Variants in BRI3 observed in about 807,000 individuals in gnomAD.
The protein encoded by BRI3 is membrane protein BRI3.
In BRI3, 6 loss-of-function variants were observed where a neutral mutation model predicts 12.8. The observed-to-expected ratio is 0.47, with a 90% CI of 0.26 to 0.93. The LOEUF is 0.93. Ranked by LOEUF, BRI3 falls within the 40% of genes least tolerant of loss-of-function variation. The pLI is 0.15. For missense variants in BRI3, 134 were observed against 171.1 expected, an observed-to-expected ratio of 0.78 and a Z score of 1.21; for synonymous variants, 91 against 76.1, an observed-to-expected ratio of 1.20 and a Z score of -1.02.
intron 2 of BRI3, among the ~76,000 whole-genome samples, chr7:98,284,060 CTG>C (rs1194486572): frequency 2.6e-5 from 4 of 152,244 alleles, no homozygotes; most frequent in African/African-American, 4.8e-5. Flanking sequence ...CGGGGTCAGA[CTG>C]TGCTCTGCTG....
At chr7:98,295,073 C>T (rs1800129664), downstream of BRI3, among the ~76,000 whole-genome samples, 1 of 152,240 alleles carries the variant, frequency 6.6e-6, no homozygotes, top group Admixed American at 6.5e-5. Context: ...CAGGAAGCGT[C>T]CCAGCACCCC....
chr7:98,292,380 T>A, downstream of BRI3: 1 of 457,988 alleles, frequency 2.2e-6, no homozygotes, highest in South Asian at 2.8e-5. Context: ...GTCTAATTTT[T>A]GTATTTTTAG....
upstream of BRI3, among the ~76,000 whole-genome samples, chr7:98,304,968 T>C (rs1262640512): frequency 6.6e-6 from 1 of 150,530 alleles, no homozygotes; most frequent in East Asian, 1.9e-4. Flanking sequence ...CTGGTTCAAG[T>C]GATTCTCCTG....
At chr7:98,321,518 C>T in the BRI3 span, among the ~76,000 whole-genome samples, 1 of 152,116 alleles carries the variant, frequency 6.6e-6, no homozygotes, top group Non-Finnish European at 1.5e-5. Flanking sequence ...GCCTCACCGC[C>T]GAGGGCAGCA....
upstream of BRI3, among the ~76,000 whole-genome samples, chr7:98,301,681 ACG>A (rs1800432991): frequency 6.6e-6 from 1 of 151,200 alleles, no homozygotes; most frequent in Admixed American, 6.6e-5. Flanking sequence ...GTGTGTGCAC[ACG>A]CGCGTCTGTG....
chr7:98,321,834 C>T, the BRI3 span, among the ~76,000 whole-genome samples: 2 of 152,150 alleles, frequency 1.3e-5, no homozygotes, highest in South Asian at 2.1e-4. Flanking sequence ...TGGTGGCTCA[C>T]GCCTGTCATC....
Position 98,291,425 on chromosome 7 carries a change from G to C in BRI3, c.*182G>C. 7.0e-7 allele frequency: 1 copy of C among 1,428,216 alleles called. No individual in the cohort carries two copies. Among genetic ancestry groups the C allele is most frequent in the Non-Finnish European group, 9.2e-7 (1 of 1,091,974 alleles). 88.5% of individuals were successfully genotyped at this position (1,428,216 alleles called of 1,614,324 possible). ...AGGCAGTGCTGCTGCTCCCGCCCGA[G>C]GCTCATGACAACTCAATAAAGCACT... On this transcript the variant is annotated 3_prime_UTR_variant, in exon 3 of 3. Coordinates refer to ENST00000297290, the MANE Select transcript of BRI3 (RefSeq NM_015379.5).
rs917285386 is a variant in BRI3 at position 98,291,517 on chromosome 7, A to G, written c.*274A>G. ...ATAATGTTTTCAATAAATGAGATTCATACCATTGTTGACCTGGTGCTGCTT... is the reference window on the plus strand; with the variant it reads ...ATAATGTTTTCAATAAATGAGATTCGTACCATTGTTGACCTGGTGCTGCTT... On this transcript the variant is annotated 3_prime_UTR_variant, in exon 3 of 3. Transcript: ENST00000297290. 2.4e-6 allele frequency: 3 copies of G among 1,237,386 alleles called. No homozygotes were observed. The highest frequency in any genetic ancestry group is 3.1e-6 in the Non-Finnish European group (3 of 982,318). 76.7% of individuals were successfully genotyped at this position (1,237,386 alleles called of 1,614,324 possible).
At chr7:98,303,066 C>T (rs1800493246), upstream of BRI3, among the ~76,000 whole-genome samples, 1 of 152,196 alleles carries the variant, frequency 6.6e-6, no homozygotes, top group Non-Finnish European at 1.5e-5. Context: ...ATTACACAGA[C>T]ATGAGCCATT....
At chr7:98,305,047 G>GTTTT (rs59633894), upstream of BRI3, among the ~76,000 whole-genome samples, 87 of 100,334 alleles carry the variant, frequency 8.7e-4, 1 homozygote, top group African/African-American at 1.3e-3. Flanking sequence ...TTTGTTTTTT[G>GTTTT]TTTTTTTTTT....
downstream of BRI3, among the ~76,000 whole-genome samples, chr7:98,295,195 C>T (rs1430072685): frequency 6.6e-6 from 1 of 152,210 alleles, no homozygotes; most frequent in East Asian, 1.9e-4. Context: ...AGGCCCAGGC[C>T]AGGCCTCCTC....
chr7:98,307,924 C>T, exon 2 of BRI3: 1 of 1,607,208 alleles, frequency 6.2e-7, no homozygotes, highest in Non-Finnish European at 8.5e-7. Context: ...GCAGTAATGG[C>T]TTTTCAAAGC....
chr7:98,306,770 C>T (rs113607931), intron 1 of BRI3: 24,052 of 478,732 alleles, frequency 0.05, 770 homozygotes, highest in Non-Finnish European at 0.064. Flanking sequence ...TGCAGTGGTG[C>T]GATCATAGCT....
chr7:98,304,196 A>G (rs1424590178), upstream of BRI3: 1 of 1,583,894 alleles, frequency 6.3e-7, no homozygotes, highest in East Asian at 2.3e-5. Flanking sequence ...CTTTACTCAC[A>G]GGAGCCGCGG....
chr7:98,318,332 C>T, the BRI3 span, among the ~76,000 whole-genome samples: 1 of 152,084 alleles, frequency 6.6e-6, no homozygotes, highest in Non-Finnish European at 1.5e-5. Flanking sequence ...ACTTAGCCAC[C>T]AAGGTGGTTG....
exon 2 of BRI3, chr7:98,308,139 C>T (rs764732118): frequency 4.7e-5 from 30 of 637,284 alleles, no homozygotes; most frequent in Admixed American, 1.0e-4. Context: ...CCTGCGGCTG[C>T]GGGCTCTTTT....
intron 2 of BRI3, among the ~76,000 whole-genome samples, chr7:98,288,289 C>T (rs374002355): frequency 1.3e-4 from 20 of 152,216 alleles, no homozygotes; most frequent in Middle Eastern, 6.8e-3. Flanking sequence ...TTGGCCTTCC[C>T]GAGGCTCCCC....
exon 1 of BRI3, chr7:98,306,553 T>A: frequency 6.2e-7 from 1 of 1,613,978 alleles, no homozygotes; most frequent in Non-Finnish European, 8.5e-7. Context: ...CTATCAGCAG[T>A]AGACATGTGG....
At chr7:98,292,233 C>A, downstream of BRI3, 1 of 243,380 alleles carries the variant, frequency 4.1e-6, no homozygotes, top group Non-Finnish European at 8.2e-6. Flanking sequence ...AAGTCACAGC[C>A]CCAGCACCCA....
Sources: gnomAD v4.1 joint callset for allele counts (sites outside exome capture counted in the v4.1 genomes callset) on GRCh38, gnomAD v4.1.1 for gene constraint, MANE v1.5 for transcripts, NCBI Gene and HGNC (gene_info 2026-07-23, HGNC 2026-07-21) for gene names.